Variants in NLGN4X observed in about 807,000 individuals in gnomAD.
NLGN4X encodes neuroligin 4 X-linked.
Under a neutral mutation model 40.3 loss-of-function variants are expected in NLGN4X, and 3 were observed. The ratio of observed to expected loss-of-function variants is 0.07; its 90% CI spans 0.03 to 0.19. The LOEUF (loss-of-function observed/expected upper bound fraction) is 0.19, where lower values mean the gene tolerates loss of function less well. Among genes scored for constraint, NLGN4X ranks in the 10% least tolerant of loss-of-function variants. The pLI is 1.00. For synonymous variants in NLGN4X, 270 were observed against 306.8 expected (o/e 0.88, Z 1.25); for missense variants, 382 against 708.3 (o/e 0.54, Z 5.23).
At chrX:6,212,243 TAAA>T (rs746048703) in intron 1 of NLGN4X, among the ~76,000 whole-genome samples, 1 of 95,559 alleles carries the variant, frequency 1.0e-5, no homozygotes. Context: ...AGACTCCATT[TAAA>T]AAAAAAAAAA....
At chrX:5,993,134 T>G (rs2035725667) in intron 3 of NLGN4X, among the ~76,000 whole-genome samples, 1 of 110,828 alleles carries the variant, frequency 9.0e-6, no homozygotes, top group Non-Finnish European at 1.9e-5. Flanking sequence ...ATGGGATAAT[T>G]CCTTGTTCTC....
intron 3 of NLGN4X, among the ~76,000 whole-genome samples, chrX:5,949,092 T>C (rs1669775216): frequency 1.8e-5 from 2 of 111,910 alleles, no homozygotes; most frequent in South Asian, 7.4e-4. Flanking sequence ...CTTAATAGCT[T>C]CTTATGATCC....
chrX:6,075,027 A>T (rs1439285937), intron 2 of NLGN4X, among the ~76,000 whole-genome samples: 1 of 111,946 alleles, frequency 8.9e-6, no homozygotes, highest in Admixed American at 9.5e-5. Context: ...AAAGGGATGG[A>T]TGTGGTAACA....
intron 3 of NLGN4X, among the ~76,000 whole-genome samples, chrX:5,989,098 A>T (rs9778658): frequency 3.9e-5 from 4 of 101,784 alleles, no homozygotes; most frequent in African/African-American, 1.1e-4. Context: ...AAAAATAAAA[A>T]AAAAAATAAA....
intron 3 of NLGN4X, among the ~76,000 whole-genome samples, chrX:5,954,265 C>T (rs749512466): frequency 3.6e-5 from 4 of 110,318 alleles, no homozygotes; most frequent in Admixed American, 9.7e-5. Context: ...TGTTCTGTCA[C>T]CCAGGCTGGA....
intron 1 of NLGN4X, among the ~76,000 whole-genome samples, chrX:6,214,561 C>G (rs1271766038): frequency 1.8e-5 from 2 of 111,320 alleles, no homozygotes; most frequent in Non-Finnish European, 3.8e-5. Context: ...TCTCCCAGGA[C>G]TAAACATAGA....
At chrX:5,997,601 C>CACAT (rs2035860168) in intron 3 of NLGN4X, among the ~76,000 whole-genome samples, 2 of 90,812 alleles carry the variant, frequency 2.2e-5, no homozygotes, top group Admixed American at 2.5e-4. Context: ...TATATATACA[C>CACAT]ATATATATAT....
At chrX:6,091,332 T>C (rs749486076) in intron 2 of NLGN4X, among the ~76,000 whole-genome samples, 1 of 111,498 alleles carries the variant, frequency 9.0e-6, no homozygotes, top group East Asian at 2.8e-4. Flanking sequence ...GGAAGCATCT[T>C]TTTAAAATAA....
chrX:6,203,030 C>T (rs1923761481), intron 1 of NLGN4X, among the ~76,000 whole-genome samples: 1 of 112,718 alleles, frequency 8.9e-6, no homozygotes, highest in African/African-American at 3.2e-5. Context: ...TAGATCTCAA[C>T]TTGCATTACT....
intron 2 of NLGN4X, among the ~76,000 whole-genome samples, chrX:6,035,321 C>T (rs1402919583): frequency 1.8e-5 from 2 of 111,321 alleles, no homozygotes; most frequent in African/African-American, 6.5e-5. Flanking sequence ...TGATGAGTTT[C>T]ACTTGATCAA....
chrX:5,954,730 T>C (rs1442095361), intron 3 of NLGN4X, among the ~76,000 whole-genome samples: 2 of 110,065 alleles, frequency 1.8e-5, no homozygotes, highest in Non-Finnish European at 3.8e-5. Context: ...AATATCTGGA[T>C]CTTGCCCAGA....
intron 2 of NLGN4X, among the ~76,000 whole-genome samples, chrX:6,142,883 T>A (rs993680168): frequency 8.9e-6 from 1 of 111,980 alleles, no homozygotes; most frequent in Non-Finnish European, 1.9e-5. Flanking sequence ...GGGCTCTTTT[T>A]AAAAATGTTA....
chrX:6,010,643 C>A (rs976145340), intron 3 of NLGN4X, among the ~76,000 whole-genome samples: 1 of 108,394 alleles, frequency 9.2e-6, no homozygotes, highest in Admixed American at 1.0e-4. Flanking sequence ...ATTCTTGGGT[C>A]TCAGCCTCCC....
intron 2 of NLGN4X, among the ~76,000 whole-genome samples, chrX:6,132,813 G>A (rs2039709331): frequency 9.0e-6 from 1 of 110,931 alleles, no homozygotes; most frequent in Admixed American, 9.7e-5. Flanking sequence ...TCCTCAAGGC[G>A]GCCATTCAGA....
At chrX:6,024,200 C>T (rs753189591) in intron 3 of NLGN4X, among the ~76,000 whole-genome samples, 1 of 111,286 alleles carries the variant, frequency 9.0e-6, no homozygotes, top group African/African-American at 3.3e-5. Context: ...GTAAATGATA[C>T]GTATGGATGT....
At chrX:5,972,515 C>T (rs1021075218) in intron 3 of NLGN4X, among the ~76,000 whole-genome samples, 1 of 111,255 alleles carries the variant, frequency 9.0e-6, no homozygotes, top group African/African-American at 3.3e-5. Context: ...ACTAAAAGTT[C>T]TAAAAATTGC....
intron 3 of NLGN4X, among the ~76,000 whole-genome samples, chrX:5,933,692 C>T (rs1167847586): frequency 2.7e-5 from 3 of 111,402 alleles, no homozygotes; most frequent in Non-Finnish European, 5.7e-5. Context: ...ACAAAATGTA[C>T]AGTTACGCTT....
At position 5,892,197 on chromosome X, in the gene NLGN4X, CTTT is replaced by C. The variant is rs2031211567; in HGVS notation, c.*617_*619del. On this transcript the variant is annotated 3_prime_UTR_variant, in exon 6 of 6. Transcript: ENST00000381095. ...TAAACTCACAGCTATATACATTTTT[CTTT>C]TTTACAAAGTCTCTTAAATATAGTT... The C allele has an allele frequency of 8.4e-6, 1 of 119,092 alleles. No individual in the cohort carries two copies. The highest frequency in any genetic ancestry group is 3.3e-5 in the African/African-American group (1 of 30,708). 9.8% of individuals were successfully genotyped at this position (119,092 alleles called of 1,213,427 possible). A position where few individuals can be genotyped will look rare whatever the true frequency, so the allele number is the denominator to read the frequency against.
At chrX:6,144,285 G>C (rs1387461933) in intron 2 of NLGN4X, among the ~76,000 whole-genome samples, 3 of 111,432 alleles carry the variant, frequency 2.7e-5, no homozygotes, top group Admixed American at 1.9e-4. Flanking sequence ...TCCCAGAATG[G>C]AGAGGGGTCC....
Sources: allele counts gnomAD v4.1 joint callset (sites outside exome capture counted in the v4.1 genomes callset), GRCh38; gene constraint gnomAD v4.1.1; transcripts MANE v1.5; gene names NCBI Gene and HGNC (gene_info 2026-07-23, HGNC 2026-07-21).